CPSF4L: variants seen among roughly 807,000 people sequenced by gnomAD.
The protein encoded by CPSF4L is putative cleavage and polyadenylation specificity factor subunit 4-like protein.
In CPSF4L, 18 loss-of-function variants were observed where a neutral mutation model predicts 24.0. The ratio of observed to expected loss-of-function variants is 0.75; its 90% CI spans 0.52 to 1.11. The LOEUF is 1.11. Among genes scored for constraint, CPSF4L ranks in the 50% least tolerant of loss-of-function variants. The probability of loss-of-function intolerance (pLI) is 0.00; values close to 1 mark genes in which losing one functional copy is unlikely to be tolerated. For missense variants in CPSF4L, 211 were observed against 221.8 expected, an observed-to-expected ratio of 0.95 and a Z score of 0.31; for synonymous variants, 72 against 77.2, an observed-to-expected ratio of 0.93 and a Z score of 0.35.
chr17:73,250,342 A>G, intron 5 of CPSF4L: 1 of 1,549,752 alleles, frequency 6.5e-7, no homozygotes, highest in Non-Finnish European at 8.7e-7. Context: ...CTTTTTGTAA[A>G]TTCAGATTTC....
At chr17:73,260,604 T>A (rs1287978611) in intron 2 of CPSF4L, among the ~76,000 whole-genome samples, 1 of 151,920 alleles carries the variant, frequency 6.6e-6, no homozygotes, top group African/African-American at 2.4e-5. Flanking sequence ...CCATCTCTAC[T>A]AAAAATGCAA....
At chr17:73,261,963 G>A (rs1599416846), upstream of CPSF4L, 5 of 639,406 alleles carry the variant, frequency 7.8e-6, no homozygotes, top group African/African-American at 1.8e-5. Flanking sequence ...TGCAGGGGAC[G>A]CTCCAGCCTG....
chr17:73,250,696 T>C (rs1468321199), intron 5 of CPSF4L, among the ~76,000 whole-genome samples: 1 of 152,172 alleles, frequency 6.6e-6, no homozygotes, highest in Non-Finnish European at 1.5e-5. Flanking sequence ...CCCTTAACCA[T>C]ACTCTGCCCT....
At chr17:73,250,867 T>A (rs1037127869) in intron 5 of CPSF4L, 4 of 856,060 alleles carry the variant, frequency 4.7e-6, no homozygotes, top group Non-Finnish European at 6.9e-6. Flanking sequence ...TAATTCACAC[T>A]CCTATCTGCT....
chr17:73,257,079 G>A (rs2062027005), intron 3 of CPSF4L, among the ~76,000 whole-genome samples: 1 of 152,098 alleles, frequency 6.6e-6, no homozygotes, highest in Non-Finnish European at 1.5e-5. Context: ...GAAGCCAGAG[G>A]GAGGTAAGAT....
At chr17:73,261,381 G>T (rs542204605) in intron 1 of CPSF4L, among the ~76,000 whole-genome samples, 3 of 152,348 alleles carry the variant, frequency 2.0e-5, no homozygotes, top group African/African-American at 4.8e-5. Flanking sequence ...GGGGAGGGAG[G>T]CTGGGCGTGG....
intron 1 of CPSF4L, 44 bp downstream of exon 1, chr17:73,261,672 A>T (rs1476554822): frequency 7.5e-7 from 1 of 1,337,636 alleles, no homozygotes; most frequent in Admixed American, 2.0e-5. Context: ...AAGAAAAAAA[A>T]ACAGAGAAGG....
the CPSF4L span, chr17:73,242,313 A>G: frequency 1.7e-4 from 277 of 1,605,384 alleles, no homozygotes; most frequent in African/African-American, 2.9e-3. Context: ...ACAACCTCCA[A>G]CTTCTCTCTA....
At chr17:73,248,711 C>G in intron 5 of CPSF4L, 175 bp from the exon 6 acceptor site, 1 of 677,924 alleles carries the variant, frequency 1.5e-6, no homozygotes, top group East Asian at 2.8e-5. Flanking sequence ...TGCCTGAATA[C>G]CCCGGCTGTA....
chr17:73,258,209 A>G (rs2062031078), intron 2 of CPSF4L, among the ~76,000 whole-genome samples: 2 of 151,968 alleles, frequency 1.3e-5, no homozygotes, highest in Non-Finnish European at 2.9e-5. Flanking sequence ...ACAGGGTTTC[A>G]CCGTGTTAGC....
chr17:73,245,911 T>G (rs2061944288), downstream of CPSF4L, among the ~76,000 whole-genome samples: 1 of 152,162 alleles, frequency 6.6e-6, no homozygotes, highest in South Asian at 2.1e-4. Flanking sequence ...TCTCAAGAGT[T>G]TCTGTGCATT....
At chr17:73,250,987 C>G in intron 5 of CPSF4L, 1 of 1,543,186 alleles carries the variant, frequency 6.5e-7, no homozygotes, top group Non-Finnish European at 8.7e-7. Flanking sequence ...TGGCACAGGC[C>G]CTGCCCTTGA....
rs1245387114 is a variant in CPSF4L, at chr17:73,252,651, C to G, written c.476G>C (p.Gly159Ala). The G allele has an allele frequency of 5.8e-6, 9 of 1,551,014 alleles. No homozygotes were observed. Among genetic ancestry groups the G allele is most frequent in the Non-Finnish European group, 7.8e-6 (9 of 1,146,582 alleles). The change falls in exon 5 of 6, where the codon GGA (glycine) becomes GCA (alanine). Residue 159 changes from glycine to alanine, a missense_variant. Transcript: ENST00000344935. The part of the protein sequence containing the change: ...LNYLVGFCPE[G>A]PKCQFAQKIR... ...TTACTGAGCAAATTGGCACTTGGGTCCCTCGGGGCAGAAGCCAACTAAATA... is the reference window on the plus strand; with the variant it reads ...TTACTGAGCAAATTGGCACTTGGGTGCCTCGGGGCAGAAGCCAACTAAATA...
chr17:73,242,911 A>G, the CPSF4L span: 6 of 1,613,752 alleles, frequency 3.7e-6, no homozygotes, highest in South Asian at 2.2e-5. Flanking sequence ...ATCAGGTGCA[A>G]CACCACCATA....
At chr17:73,257,651 G>A (rs1256772504) in intron 3 of CPSF4L, 30 bp downstream of exon 3, 4 of 1,549,954 alleles carry the variant, frequency 2.6e-6, no homozygotes, top group Non-Finnish European at 3.5e-6. Flanking sequence ...ACCCTCCAGG[G>A]TGAGGCACCG....
chr17:73,261,926 AC>A (rs2062048353), upstream of CPSF4L: 1 of 802,462 alleles, frequency 1.2e-6, no homozygotes, highest in Non-Finnish European at 2.0e-6. Flanking sequence ...CTCCCCCTTC[AC>A]CCCAGGGTGC....
chr17:73,263,617 G>T (rs1276233667), upstream of CPSF4L, among the ~76,000 whole-genome samples: 1 of 151,488 alleles, frequency 6.6e-6, no homozygotes, highest in East Asian at 1.9e-4. Context: ...TGGAATGGGG[G>T]CAATGAGGCT....
chr17:73,248,354 G>T, downstream of CPSF4L: 1 of 773,276 alleles, frequency 1.3e-6, no homozygotes, highest in Non-Finnish European at 2.1e-6. Flanking sequence ...GAAAGAAAAA[G>T]AACGTCTCTA....
chr17:73,245,846 T>A, downstream of CPSF4L: 1 of 469,172 alleles, frequency 2.1e-6, no homozygotes, highest in Non-Finnish European at 2.8e-6. Context: ...AACCGGTGGC[T>A]AATGTATCAT....
Sources: allele counts gnomAD v4.1 joint callset (sites outside exome capture counted in the v4.1 genomes callset), GRCh38; gene constraint gnomAD v4.1.1; transcripts MANE v1.5; gene names NCBI Gene and HGNC (gene_info 2026-07-23, HGNC 2026-07-21).